PGM5: variants seen among roughly 807,000 people sequenced by gnomAD.
The protein encoded by PGM5 is phosphoglucomutase 5.
Under a neutral mutation model 59.2 loss-of-function variants are expected in PGM5, and 23 were observed. The ratio of observed to expected loss-of-function variants is 0.39; its 90% CI spans 0.28 to 0.55. The LOEUF is 0.55. Ranked by LOEUF, PGM5 falls within the 20% of genes least tolerant of loss-of-function variation. The probability of loss-of-function intolerance (pLI) is 0.66; values close to 1 mark genes in which losing one functional copy is unlikely to be tolerated. For missense variants in PGM5, 574 were observed against 748.3 expected (o/e 0.77, Z 2.72); for synonymous variants, 214 against 286.0 (o/e 0.75, Z 2.54).
In PGM5 at chr9:68,415,022, G is replaced by C. The variant is rs373076905; in HGVS notation, c.1043+22549G>C. On this transcript the variant is annotated intron_variant, in intron 6 of 10. Coordinates refer to ENST00000396396, the MANE Select transcript of PGM5 (RefSeq NM_021965.4). Reference sequence around the variant, plus strand: ...CAATGGTAATGCTGCTGGAAGAGTAGCCAGGGGACTGGGGAAAAGAAGGCA... The same window carrying C: ...CAATGGTAATGCTGCTGGAAGAGTACCCAGGGGACTGGGGAAAAGAAGGCA... Among the ~76,000 whole-genome samples, 50 of 148,852 alleles carry C rather than the reference G, an allele frequency of 3.4e-4. 2 individuals carry two copies. The South Asian group carries it at 8.2e-3, about 24-fold the overall frequency.
chr9:68,361,065 C>T (rs1392373180), intron 1 of PGM5, among the ~76,000 whole-genome samples: 1 of 152,220 alleles, frequency 6.6e-6, no homozygotes, highest in Non-Finnish European at 1.5e-5. Flanking sequence ...ACTATAGGTG[C>T]ACACCACCAT....
chr9:68,415,860 G>A (rs1388130699), intron 6 of PGM5, among the ~76,000 whole-genome samples: 1 of 144,926 alleles, frequency 6.9e-6, no homozygotes, highest in Non-Finnish European at 1.5e-5. Flanking sequence ...TTTAGCTATA[G>A]CATACATAAA....
At chr9:68,512,489 T>G (rs11142697) in intron 10 of PGM5, among the ~76,000 whole-genome samples, 1 of 152,152 alleles carries the variant, frequency 6.6e-6, no homozygotes, top group African/African-American at 2.4e-5. Context: ...ACAGAGCTGG[T>G]TCCCTCTGAG....
In PGM5 at chr9:68,437,310, T is replaced by A. The variant is rs540797514; in HGVS notation, c.1044-27783T>A. On this transcript the variant is annotated intron_variant, in intron 6 of 10. Coordinates refer to ENST00000396396, the MANE Select transcript of PGM5 (RefSeq NM_021965.4). This position sits in a 1 kb window ranked among gnomAD's most constrained non-coding sequence, Gnocchi z 4.1. ...TACTTATTGAAGGAAGAGACTCTGATAGAGGATATTGTTAGTGGAGAAAAG... is the reference window on the plus strand; with the variant it reads ...TACTTATTGAAGGAAGAGACTCTGAAAGAGGATATTGTTAGTGGAGAAAAG... 6.6e-6 allele frequency among the ~76,000 whole-genome samples: 1 copy of A among 152,312 alleles called. No homozygotes were observed. Among genetic ancestry groups the A allele is most frequent in the South Asian group, 2.1e-4 (1 of 4,828 alleles).
intron 2 of PGM5, among the ~76,000 whole-genome samples, chr9:68,382,085 A>T (rs1822093680): frequency 6.6e-6 from 1 of 151,834 alleles, no homozygotes. Context: ...AGGAAAAAAA[A>T]GTTGGAGGTA....
intron 6 of PGM5, chr9:68,398,939 A>G (rs1822588877): frequency 6.6e-6 from 1 of 152,168 alleles, no homozygotes; most frequent in Non-Finnish European, 1.5e-5. Flanking sequence ...AAAAATGATA[A>G]TGCATTTCTT....
intron 6 of PGM5, among the ~76,000 whole-genome samples, chr9:68,450,909 T>A (rs1156505777): frequency 4.6e-5 from 7 of 152,236 alleles, no homozygotes; most frequent in African/African-American, 1.4e-4. Flanking sequence ...TGGGATGGAA[T>A]GTTCGGAAAT....
chr9:68,522,738 G>A (rs1479777374), intron 10 of PGM5, among the ~76,000 whole-genome samples: 2 of 152,184 alleles, frequency 1.3e-5, no homozygotes, highest in Non-Finnish European at 2.9e-5. Flanking sequence ...TCTGTCACAT[G>A]TCCAAATCTC....
intron 6 of PGM5, among the ~76,000 whole-genome samples, chr9:68,403,805 C>A (rs1302629379): frequency 1.3e-5 from 2 of 152,072 alleles, no homozygotes; most frequent in East Asian, 3.9e-4. Flanking sequence ...GGGAGAGAGA[C>A]CTGTATTACC....
intron 6 of PGM5, among the ~76,000 whole-genome samples, chr9:68,430,984 G>A (rs1823335294): frequency 6.6e-6 from 1 of 152,144 alleles, no homozygotes; most frequent in Non-Finnish European, 1.5e-5. Context: ...TCATACAGGT[G>A]TCATACCCAC....
chr9:68,452,819 G>A (rs1340133102), intron 6 of PGM5, among the ~76,000 whole-genome samples: 1 of 152,230 alleles, frequency 6.6e-6, no homozygotes, highest in Non-Finnish European at 1.5e-5. Flanking sequence ...AGGACCTGGA[G>A]GAGGGGTATC....
At chr9:68,462,347 G>A (rs943228614) in intron 6 of PGM5, among the ~76,000 whole-genome samples, 9 of 152,142 alleles carry the variant, frequency 5.9e-5, no homozygotes, top group African/African-American at 2.2e-4. Flanking sequence ...TCTAATGCAT[G>A]GTATCTGCTG....
intron 1 of PGM5, among the ~76,000 whole-genome samples, chr9:68,375,268 G>T (rs1821849380): frequency 6.6e-6 from 1 of 152,220 alleles, no homozygotes; most frequent in Admixed American, 6.5e-5. Flanking sequence ...GCATCGTTCA[G>T]TGTGGGAGGG....
chr9:68,514,118 C>T (rs936559621), intron 10 of PGM5, among the ~76,000 whole-genome samples: 1 of 152,178 alleles, frequency 6.6e-6, no homozygotes, highest in Admixed American at 6.5e-5. Flanking sequence ...TCTACTGACT[C>T]AGATTCTGTA....
At chr9:68,526,677 C>T (rs1329183840) in intron 10 of PGM5, among the ~76,000 whole-genome samples, 2 of 152,054 alleles carry the variant, frequency 1.3e-5, no homozygotes, top group Non-Finnish European at 2.9e-5. Context: ...TATATTACAG[C>T]GGGAACTTAA....
At chr9:68,379,145 A>G (rs1244339360) in intron 2 of PGM5, among the ~76,000 whole-genome samples, 38 of 152,184 alleles carry the variant, frequency 2.5e-4, no homozygotes, top group African/African-American at 8.7e-4. Flanking sequence ...ATATCACCTG[A>G]AAACTAATCT....
chr9:68,377,797 A>C lies in PGM5; in HGVS notation c.262-402A>C, dbSNP rs573358001. ...GAGCTTGTTCTAAGTTACAGGAAGCAGAAGAAGCAGAGAAGCACTCCATTT... is the reference window on the plus strand; with the variant it reads ...GAGCTTGTTCTAAGTTACAGGAAGCCGAAGAAGCAGAGAAGCACTCCATTT... On this transcript the variant is annotated intron_variant, in intron 1 of 10. Transcript: ENST00000396396. Among the ~76,000 whole-genome samples, 13 of 152,394 alleles carry C rather than the reference A, an allele frequency of 8.5e-5. 1 individual carries two copies. Among genetic ancestry groups the C allele is most frequent in the Admixed American group, 2.6e-4 (4 of 15,312 alleles).
At chr9:68,465,034 AG>A in intron 6 of PGM5, 58 bp from the exon 7 acceptor site, 1 of 1,109,834 alleles carries the variant, frequency 9.0e-7, no homozygotes, top group Non-Finnish European at 1.4e-6. Context: ...TACTGTGCTG[AG>A]AAAAAAAAAC....
chr9:68,395,179 CG>C (rs1554679874), intron 6 of PGM5, among the ~76,000 whole-genome samples: 1 of 151,986 alleles, frequency 6.6e-6, no homozygotes, highest in Non-Finnish European at 1.5e-5. Context: ...AGGTAGGGGT[CG>C]AGGTTCACTT....
Sources: gnomAD v4.1 joint callset for allele counts (sites outside exome capture counted in the v4.1 genomes callset) on GRCh38, gnomAD v4.1.1 for gene constraint, Gnocchi (gnomAD v3.1) non-coding constraint, MANE v1.5 for transcripts, NCBI Gene and HGNC (gene_info 2026-07-23, HGNC 2026-07-21) for gene names.